VSTM5: variants seen among roughly 807,000 people sequenced by gnomAD.
VSTM5 encodes V-set and transmembrane domain-containing protein 5.
VSTM5 carries 21 observed loss-of-function variants against 20.3 expected under a neutral mutation model. The observed-to-expected ratio is 1.03, with a 90% CI of 0.73 to 1.49. The LOEUF is 1.49. Among genes scored for constraint, VSTM5 ranks in the 40% most tolerant of loss-of-function variants. The pLI, the probability that VSTM5 is intolerant of heterozygous loss-of-function variation, is 0.00. For synonymous variants in VSTM5, 100 were observed against 102.5 expected, an observed-to-expected ratio of 0.98 and a Z score of 0.14; for missense variants, 219 against 250.0, an observed-to-expected ratio of 0.88 and a Z score of 0.84.
At chr11:93,839,958 C>T (rs1018782688) in intron 1 of VSTM5, among the ~76,000 whole-genome samples, 6 of 152,000 alleles carry the variant, frequency 3.9e-5, no homozygotes, top group African/African-American at 1.5e-4. Flanking sequence ...GAGTGAGTGC[C>T]GTGTGAAGAT....
chr11:93,844,701 G>A (rs767947033), intron 1 of VSTM5, among the ~76,000 whole-genome samples: 3 of 152,090 alleles, frequency 2.0e-5, no homozygotes, highest in Non-Finnish European at 2.9e-5. Flanking sequence ...TACCTCCTAC[G>A]TTGCCATCAA....
chr11:93,821,058 G>C lies in VSTM5; in HGVS notation c.357C>G (p.Val119=), dbSNP rs1484677237. 6.4e-7 allele frequency: 1 copy of C among 1,551,754 alleles called. No homozygotes were observed. The highest frequency in any genetic ancestry group is 8.7e-7 in the Non-Finnish European group (1 of 1,147,012). ...TCCCCAGGCGCTCCGTCACGGTGAT[G>C]ACATAGTAGCCGGAATCCCTCACTC... ...SVGVRDSGYY[V]ITVTERLGSS... is the part of the protein sequence containing the mutation. Residue 119 remains valine (V), a synonymous_variant, in exon 2 of 4, where the codon GTC becomes GTG. Coordinates refer to ENST00000409977, the MANE Select transcript of VSTM5 (RefSeq NM_001144871.2).
intron 1 of VSTM5, among the ~76,000 whole-genome samples, chr11:93,835,006 G>A (rs749745207): frequency 6.6e-6 from 1 of 152,054 alleles, no homozygotes; most frequent in Non-Finnish European, 1.5e-5. Context: ...GGCTCTCAAT[G>A]AGCCTCCTCA....
At chr11:93,839,068 G>A (rs1944347527) in intron 1 of VSTM5, among the ~76,000 whole-genome samples, 1 of 152,216 alleles carries the variant, frequency 6.6e-6, no homozygotes, top group African/African-American at 2.4e-5. Flanking sequence ...CCCGGCCCCT[G>A]CAGAAAGGGC....
chr11:93,844,915 T>C (rs1301151545), intron 1 of VSTM5, among the ~76,000 whole-genome samples: 1 of 132,022 alleles, frequency 7.6e-6, no homozygotes, highest in Non-Finnish European at 1.7e-5. Context: ...AAACCAGACT[T>C]CCCAGCAAAG....
In VSTM5 at chr11:93,840,759, C is replaced by G. The variant is rs187267920; in HGVS notation, c.91+9653G>C. 3.5e-3 allele frequency among the ~76,000 whole-genome samples: 540 copies of G among 152,232 alleles called. 1 individual carries two copies. The highest frequency in any genetic ancestry group is 0.012 in the African/African-American group (513 of 41,538). ...GATCACGGAACTAGATTGCAGGGCC[C>G]GGTCCCCAGTTTCTCATTCAGTAGG... On this transcript the variant is annotated intron_variant, in intron 1 of 3. Transcript: ENST00000409977.
At chr11:93,836,284 C>G (rs79445932) in intron 1 of VSTM5, among the ~76,000 whole-genome samples, 1 of 152,246 alleles carries the variant, frequency 6.6e-6, no homozygotes, top group African/African-American at 2.4e-5. Context: ...TACACAGCAT[C>G]CTGAGTGATA....
chr11:93,827,644 T>G (rs1944249786), intron 1 of VSTM5: 1 of 152,042 alleles, frequency 6.6e-6, no homozygotes, highest in Admixed American at 6.6e-5. Context: ...GGTAGTGAGT[T>G]ATCTCAACTG....
intron 1 of VSTM5, among the ~76,000 whole-genome samples, chr11:93,837,458 G>A (rs1944332488): frequency 6.6e-6 from 1 of 152,064 alleles, no homozygotes. Context: ...GGCAAATGGG[G>A]CCACATAGGA....
rs190412484 is a variant in VSTM5, at chr11:93,832,096, T to C, written c.92-10773A>G. 1.1e-4 allele frequency among the ~76,000 whole-genome samples: 17 copies of C among 152,322 alleles called. No individual in the cohort carries two copies. In the East Asian group the frequency reaches 3.3e-3, roughly 29 times the overall value. ...GCACATAGATGCAGAGATATATGTG[T>C]CACTGTTGTCATAAAGCACAGTACA... On this transcript the variant is annotated intron_variant, in intron 1 of 3. Transcript: ENST00000409977.
In VSTM5 at chr11:93,821,179, A is replaced by C; in HGVS notation, c.236T>G (p.Val79Gly). 1 of 1,552,154 alleles carries C rather than the reference A, an allele frequency of 6.4e-7. No individual in the cohort carries two copies. The highest frequency in any genetic ancestry group is 8.7e-7 in the Non-Finnish European group (1 of 1,147,076). The change falls in exon 2 of 4, where the codon GTG (valine) becomes GGG (glycine). Residue 79 changes from valine (V) to glycine (G), a missense_variant. By Grantham distance (109) the Val-to-Gly change is moderately radical. Transcript: ENST00000409977. ...GGCCTGAGTCCCTGGTTTCCACTCC[A>C]CGATCTTCTGCGTTCCCCAATTGGA... ...YSSNWGTQKI[V>G]EWKPGTQANI...
chr11:93,849,628 C>T (rs1163484178), intron 1 of VSTM5, among the ~76,000 whole-genome samples: 1 of 152,212 alleles, frequency 6.6e-6, no homozygotes, highest in Non-Finnish European at 1.5e-5. Context: ...CCTCCAGCGG[C>T]CCTGCTCTGT....
intron 1 of VSTM5, among the ~76,000 whole-genome samples, chr11:93,837,011 G>GCA (rs59949447): frequency 0.11 from 15,810 of 140,462 alleles, 922 homozygotes; most frequent in East Asian, 0.16. Flanking sequence ...AAAAAAAAAT[G>GCA]CACACACACA....
chr11:93,826,513 T>C (rs1406950595), intron 1 of VSTM5, among the ~76,000 whole-genome samples: 2 of 151,986 alleles, frequency 1.3e-5, no homozygotes, highest in African/African-American at 4.8e-5. Context: ...TTCTCCTGCC[T>C]CAGCCACCCG....
At chr11:93,832,304 G>C (rs1341800494) in intron 1 of VSTM5, among the ~76,000 whole-genome samples, 1 of 152,214 alleles carries the variant, frequency 6.6e-6, no homozygotes, top group Non-Finnish European at 1.5e-5. Context: ...GGGCAGAACA[G>C]TGTATAGAGA....
At chr11:93,834,782 C>CAAAAAAAAAAAAAAAAAAAAAATTAAA (rs59156403) in intron 1 of VSTM5, among the ~76,000 whole-genome samples, 1 of 59,536 alleles carries the variant, frequency 1.7e-5, no homozygotes, top group Non-Finnish European at 3.5e-5. Flanking sequence ...GACTCCGTCT[C>CAAAAAAAAAAAAAAAAAAAAAATTAAA]AAAAAAAAAA....
Position 93,821,334 on chromosome 11 carries a change from A to C in VSTM5, c.92-11T>G. 1 of 1,546,580 alleles carries C rather than the reference A, an allele frequency of 6.5e-7. No individual in the cohort carries two copies. The highest frequency in any genetic ancestry group is 1.4e-5 in the African/African-American group (1 of 73,028). On this transcript the variant is annotated splice_polypyrimidine_tract_variant and intron_variant, in intron 1 of 3. Coordinates refer to ENST00000409977, the MANE Select transcript of VSTM5 (RefSeq NM_001144871.2). Reference sequence around the variant, plus strand: ...GGGACACACCCTGACCTGCAGGATGATATGCTGGATGTTGGGCACATATAT... The same window carrying C: ...GGGACACACCCTGACCTGCAGGATGCTATGCTGGATGTTGGGCACATATAT...
At chr11:93,827,419 A>G (rs1944247849) in intron 1 of VSTM5, among the ~76,000 whole-genome samples, 1 of 152,266 alleles carries the variant, frequency 6.6e-6, no homozygotes, top group African/African-American at 2.4e-5. Context: ...TGAAAAATTA[A>G]CAGTTTCATG....
intron 1 of VSTM5, among the ~76,000 whole-genome samples, chr11:93,844,713 G>T (rs553617421): frequency 2.0e-5 from 3 of 152,122 alleles, no homozygotes; most frequent in Non-Finnish European, 4.4e-5. Flanking sequence ...TGCCATCAAG[G>T]CCTCTTCTTC....
Sources: allele counts gnomAD v4.1 joint callset (sites outside exome capture counted in the v4.1 genomes callset), GRCh38; gene constraint gnomAD v4.1.1; transcripts MANE v1.5; gene names NCBI Gene and HGNC (gene_info 2026-07-23, HGNC 2026-07-21).